Variants in RNF138 observed in about 807,000 individuals in gnomAD.
The protein encoded by RNF138 is E3 ubiquitin-protein ligase RNF138.
RNF138 carries 12 observed loss-of-function variants against 31.0 expected under a neutral mutation model. The observed-to-expected ratio is 0.39, with a 90% CI of 0.25 to 0.63. The LOEUF (loss-of-function observed/expected upper bound fraction) is 0.63, where lower values mean the gene tolerates loss of function less well. RNF138 is among the 20% of genes least tolerant of loss of function. RNF138 has a pLI of 0.52. For missense variants in RNF138, 192 were observed against 300.1 expected (o/e 0.64, Z 2.66); for synonymous variants, 105 against 99.5 (o/e 1.06, Z -0.33).
chr18:32,096,948 TC>T (rs1188483689), intron 2 of RNF138, among the ~76,000 whole-genome samples: 1 of 152,128 alleles, frequency 6.6e-6, no homozygotes, highest in Non-Finnish European at 1.5e-5. Flanking sequence ...CCCAACCTAG[TC>T]TCTAACTCCT....
chr18:32,093,548 G>C (rs144967702), intron 2 of RNF138, among the ~76,000 whole-genome samples: 1 of 152,050 alleles, frequency 6.6e-6, no homozygotes, highest in Non-Finnish European at 1.5e-5. Context: ...CAGGATTTTC[G>C]GGCATTGAAA....
chr18:32,092,978 C>A (rs111355456), intron 2 of RNF138, 92 bp downstream of exon 2: 39,647 of 636,660 alleles, frequency 0.062, 1,664 homozygotes, highest in African/African-American at 0.14. Context: ...TGGCGGGAAC[C>A]GAGCCCGCCG....
intron 4 of RNF138, among the ~76,000 whole-genome samples, chr18:32,114,450 A>T (rs1044802276): frequency 1.3e-5 from 2 of 152,204 alleles, no homozygotes; most frequent in African/African-American, 4.8e-5. Context: ...GTTTAAAAAA[A>T]TAATGATTAA....
chr18:32,106,007 A>G (rs1384261304), intron 2 of RNF138, among the ~76,000 whole-genome samples: 3 of 152,224 alleles, frequency 2.0e-5, no homozygotes, highest in Non-Finnish European at 2.9e-5. Context: ...CAGTTTGGCT[A>G]TGAGTTCTCT....
chr18:32,115,514 G>GCCAC (rs2040200160), intron 4 of RNF138, among the ~76,000 whole-genome samples: 1 of 152,186 alleles, frequency 6.6e-6, no homozygotes, highest in Non-Finnish European at 1.5e-5. Flanking sequence ...GGAGGCCAAG[G>GCCAC]TGGGCAGATC....
intron 2 of RNF138, among the ~76,000 whole-genome samples, chr18:32,107,160 A>C (rs1409260189): frequency 2.5e-5 from 3 of 118,266 alleles, no homozygotes; most frequent in Non-Finnish European, 4.8e-5. Flanking sequence ...TCGCTCTGTC[A>C]CCCAGGCTGG....
chr18:32,123,130 TAAA>T (rs1010684766), intron 4 of RNF138, among the ~76,000 whole-genome samples: 19 of 152,294 alleles, frequency 1.2e-4, no homozygotes, highest in Admixed American at 1.1e-3. Flanking sequence ...TAGTTTGAAG[TAAA>T]AAAGTTCACA....
chr18:32,113,430 A>G (rs1348476843), intron 3 of RNF138, among the ~76,000 whole-genome samples: 1 of 152,098 alleles, frequency 6.6e-6, no homozygotes, highest in African/African-American at 2.4e-5. Context: ...GACATGCCCA[A>G]TAGCATCTGG....
At chr18:32,104,787 G>A (rs1286215290) in intron 2 of RNF138, among the ~76,000 whole-genome samples, 1 of 152,124 alleles carries the variant, frequency 6.6e-6, no homozygotes, top group African/African-American at 2.4e-5. Flanking sequence ...TGGTTAGAAA[G>A]ATTTAATAAA....
At chr18:32,115,740 G>T (rs1037903484) in intron 4 of RNF138, among the ~76,000 whole-genome samples, 1 of 152,030 alleles carries the variant, frequency 6.6e-6, no homozygotes, top group African/African-American at 2.4e-5. Flanking sequence ...GTCAGACTCC[G>T]TCTAAAACAC....
chr18:32,111,584 ACT>A (rs765115962), intron 2 of RNF138, among the ~76,000 whole-genome samples, 168 bp from the exon 3 acceptor site: 3 of 152,162 alleles, frequency 2.0e-5, no homozygotes, highest in South Asian at 2.1e-4. Flanking sequence ...TATCAGTCTT[ACT>A]CTCTGATAAA....
chr18:32,093,568 C>T (rs1429003750), intron 2 of RNF138, among the ~76,000 whole-genome samples: 3 of 152,072 alleles, frequency 2.0e-5, no homozygotes, highest in Non-Finnish European at 2.9e-5. Flanking sequence ...ATGAGCGTTC[C>T]CCTTTGTTTT....
chr18:32,108,672 T>G (rs1005120228), intron 2 of RNF138, among the ~76,000 whole-genome samples: 2 of 152,122 alleles, frequency 1.3e-5, no homozygotes, highest in African/African-American at 2.4e-5. Context: ...ATTTTTGTTT[T>G]GTTTGGTTTT....
chr18:32,100,427 A>AGCT (rs922656085), intron 2 of RNF138, among the ~76,000 whole-genome samples: 44 of 146,602 alleles, frequency 3.0e-4, no homozygotes, highest in African/African-American at 1.1e-3. Context: ...CCTTCCCAGT[A>AGCT]GCTGGGACTA....
intron 5 of RNF138, chr18:32,124,361 GGAATACTACA>G (rs2144287035): frequency 6.3e-6 from 1 of 159,506 alleles, no homozygotes; most frequent in African/African-American, 2.4e-5. Flanking sequence ...TGCAAAATGT[GGAATACTACA>G]GAATATTAAA....
chr18:32,099,185 T>TA (rs1343209105), intron 2 of RNF138, among the ~76,000 whole-genome samples: 22 of 152,262 alleles, frequency 1.4e-4, no homozygotes, highest in African/African-American at 5.3e-4. Context: ...GTTCTGAAGA[T>TA]ACGGGCCTTT....
intron 4 of RNF138, 187 bp downstream of exon 4, chr18:32,114,047 A>T (rs1568234816): frequency 2.6e-6 from 1 of 389,748 alleles, no homozygotes; most frequent in South Asian, 8.8e-5. Context: ...GTAAGCTCTC[A>T]TCTGGGAGAT....
At chr18:32,113,141 C>T (rs1012496207) in intron 3 of RNF138, among the ~76,000 whole-genome samples, 4 of 152,116 alleles carry the variant, frequency 2.6e-5, no homozygotes, top group Non-Finnish European at 5.9e-5. Flanking sequence ...GGCACAATCT[C>T]GGCTCACTGC....
intron 2 of RNF138, among the ~76,000 whole-genome samples, chr18:32,102,553 T>TA (rs936386508): frequency 1.3e-5 from 2 of 152,112 alleles, no homozygotes; most frequent in African/African-American, 4.8e-5. Context: ...TAGTCTGTAG[T>TA]AATGCAATTA....
Sources: gnomAD v4.1 joint callset for allele counts (sites outside exome capture counted in the v4.1 genomes callset) on GRCh38, gnomAD v4.1.1 for gene constraint, MANE v1.5 for transcripts, NCBI Gene and HGNC (gene_info 2026-07-23, HGNC 2026-07-21) for gene names.